Variants in ALKBH1 observed in about 807,000 individuals in gnomAD.
ALKBH1 encodes the protein nucleic acid dioxygenase ALKBH1.
Under a neutral mutation model 36.6 loss-of-function variants are expected in ALKBH1, and 31 were observed. The ratio of observed to expected loss-of-function variants is 0.85; its 90% CI spans 0.64 to 1.14. The LOEUF is 1.14. Among genes scored for constraint, ALKBH1 ranks in the 50% most tolerant of loss-of-function variants. The pLI, the probability that ALKBH1 is intolerant of heterozygous loss-of-function variation, is 0.00. For synonymous variants in ALKBH1, 183 were observed against 186.6 expected (o/e 0.98, Z 0.16); for missense variants, 490 against 497.3 (o/e 0.99, Z 0.14).
chr14:77,682,579 G>A (rs981626818), intron 3 of ALKBH1, among the ~76,000 whole-genome samples: 2 of 152,108 alleles, frequency 1.3e-5, no homozygotes, highest in African/African-American at 2.4e-5. Context: ...TTTTGAGGAG[G>A]GGGAAAAGAG....
At chr14:77,704,767 T>C (rs1487503278) in intron 1 of ALKBH1, among the ~76,000 whole-genome samples, 2 of 152,194 alleles carry the variant, frequency 1.3e-5, no homozygotes, top group Non-Finnish European at 2.9e-5. Flanking sequence ...CTGGGGTTAA[T>C]CTTAGCTGTA....
intron 3 of ALKBH1, among the ~76,000 whole-genome samples, chr14:77,687,465 A>G (rs2080274030): frequency 6.6e-6 from 1 of 151,254 alleles, no homozygotes; most frequent in Non-Finnish European, 1.5e-5. Context: ...CACTTATGCA[A>G]GCTACCCTGC....
chr14:77,674,325 T>C, intron 5 of ALKBH1, 84 bp from the exon 6 acceptor site: 1 of 1,344,566 alleles, frequency 7.4e-7, no homozygotes, highest in Non-Finnish European at 9.9e-7. Flanking sequence ...TACTGCCAAC[T>C]GTGTTATTTT....
At chr14:77,683,118 C>T in intron 3 of ALKBH1, 1 of 527,904 alleles carries the variant, frequency 1.9e-6, no homozygotes, top group South Asian at 2.3e-5. Context: ...TCCCAGAGTG[C>T]TAAGTGAGGC....
In ALKBH1 at chr14:77,675,738, T is replaced by C; in HGVS notation, c.658A>G (p.Asn220Asp). The C allele has an allele frequency of 6.2e-7, 1 of 1,614,170 alleles. No homozygotes were observed. Among genetic ancestry groups the C allele is most frequent in the Non-Finnish European group, 8.5e-7 (1 of 1,180,024 alleles). Residue 220 changes from asparagine (N) to aspartate (D), a missense_variant, in exon 5 of 6, where the codon AAT becomes GAT. Transcript: ENST00000216489. ...EDFRAEAGIL[N>D]YYRLDSTLGI... Reference sequence around the variant, plus strand: ...AGTGTGGAGTCCAGGCGGTAGTAATTCAGGATCCCTGCTTCAGCTCGGAAA... The same window carrying C: ...AGTGTGGAGTCCAGGCGGTAGTAATCCAGGATCCCTGCTTCAGCTCGGAAA...
At chr14:77,683,580 C>A in intron 3 of ALKBH1, 4 of 459,040 alleles carry the variant, frequency 8.7e-6, no homozygotes, top group Non-Finnish European at 1.6e-5. Flanking sequence ...CATCATCCTC[C>A]TTTTTTTTTG....
At chr14:77,701,718 G>C (rs1214248742) in intron 2 of ALKBH1, among the ~76,000 whole-genome samples, 1 of 151,972 alleles carries the variant, frequency 6.6e-6, no homozygotes, top group African/African-American at 2.4e-5. Flanking sequence ...CTGTATTTTG[G>C]ACATTATATT....
At position 77,674,125 on chromosome 14, in the gene ALKBH1, T is replaced by C; in HGVS notation, c.857A>G (p.Asn286Ser). 1 of 1,614,152 alleles carries C rather than the reference T, an allele frequency of 6.2e-7. No homozygotes were observed. Among genetic ancestry groups the C allele is most frequent in the Middle Eastern group, 1.6e-4 (1 of 6,062 alleles). Reference sequence around the variant, plus strand: ...TGGAAGGACACGAGGGACTGCGTGGTTCAAGAGGCGGCTGAAACCCGACAT... The same window carrying C: ...TGGAAGGACACGAGGGACTGCGTGGCTCAAGAGGCGGCTGAAACCCGACAT... ...MIMSGFSRLL[N>S]HAVPRVLPNP... The change falls in exon 6 of 6, where the codon AAC (asparagine) becomes AGC (serine). Residue 286 changes from asparagine to serine, a missense_variant. Physicochemically the swap from Asn to Ser is conservative, Grantham distance 46. Coordinates refer to ENST00000216489, the MANE Select transcript of ALKBH1 (RefSeq NM_006020.3).
Position 77,673,481 on chromosome 14 carries a change from T to C in ALKBH1, c.*331A>G, listed in dbSNP as rs1328584703. ...AATAAAATCTGAGGTATTTAAATAC[T>C]CTGCAAACATGGAAACTCACTTCTA... On this transcript the variant is annotated 3_prime_UTR_variant, in exon 6 of 6. Coordinates refer to ENST00000216489, the MANE Select transcript of ALKBH1 (RefSeq NM_006020.3). 1 of 264,688 alleles carries C rather than the reference T, an allele frequency of 3.8e-6. No individual in the cohort carries two copies. The highest frequency in any genetic ancestry group is 7.2e-6 in the Non-Finnish European group (1 of 138,152). The allele number at this position is 264,688 out of a possible 1,614,324, so 16.4% of individuals were successfully genotyped here.
rs553213620 is a variant in ALKBH1, at chr14:77,673,185, T to C, written c.*627A>G. 1 of 152,252 alleles carries C rather than the reference T, an allele frequency of 6.6e-6. No individual in the cohort carries two copies. 9.4% of individuals were successfully genotyped at this position (152,252 alleles called of 1,614,324 possible). On this transcript the variant is annotated 3_prime_UTR_variant, in exon 6 of 6. Transcript: ENST00000216489. The stretch of plus-strand genomic sequence containing the variant: ...CGAAATGACATGTAGAGAAACTAAA[T>C]TCCCCTTTCCTTGGGTTTACCTATA...
chr14:77,679,165 G>C (rs2080223016), intron 4 of ALKBH1, among the ~76,000 whole-genome samples: 1 of 152,014 alleles, frequency 6.6e-6, no homozygotes, highest in African/African-American at 2.4e-5. Flanking sequence ...ATGAACAATT[G>C]AAATACATGG....
At chr14:77,678,914 C>T (rs2139844831) in intron 4 of ALKBH1, among the ~76,000 whole-genome samples, 1 of 152,176 alleles carries the variant, frequency 6.6e-6, no homozygotes, top group East Asian at 1.9e-4. Context: ...CTCCCAGGCT[C>T]AAGCGATCCT....
At chr14:77,689,518 G>A (rs2080286381) in intron 3 of ALKBH1, among the ~76,000 whole-genome samples, 2 of 152,112 alleles carry the variant, frequency 1.3e-5, no homozygotes, top group Admixed American at 6.6e-5. Context: ...CTAATAAAGA[G>A]GGAATATGAA....
At chr14:77,679,117 G>A (rs1011641008) in intron 4 of ALKBH1, among the ~76,000 whole-genome samples, 3 of 151,872 alleles carry the variant, frequency 2.0e-5, no homozygotes, top group Non-Finnish European at 2.9e-5. Context: ...GCGTGTGATC[G>A]GTATCCATAT....
intron 3 of ALKBH1, among the ~76,000 whole-genome samples, chr14:77,694,484 TGAG>T (rs2080316044): frequency 6.6e-6 from 1 of 152,216 alleles, no homozygotes; most frequent in South Asian, 2.1e-4. Context: ...TGATGATTAA[TGAG>T]GATGAACTCA....
In ALKBH1 at chr14:77,703,252, G is replaced by C. The variant is rs937487634; in HGVS notation, c.292+1117C>G. Among the ~76,000 whole-genome samples, 4 of 151,930 alleles carry C rather than the reference G, an allele frequency of 2.6e-5. No homozygotes were observed. The East Asian group carries it at 7.8e-4, about 29-fold the overall frequency. On this transcript the variant is annotated intron_variant, in intron 2 of 5. Transcript: ENST00000216489. ...CCCACCTTGGCCTTCTAAAGTGTTG[G>C]GATTATAGGTGTGAGACACCTCGCC...
intron 3 of ALKBH1, among the ~76,000 whole-genome samples, chr14:77,680,677 C>CTCTCTTTTTTTTTTTTTTTTTTTTTTT (rs774703181): frequency 8.0e-6 from 1 of 124,348 alleles, no homozygotes; most frequent in African/African-American, 3.2e-5. Flanking sequence ...ATTAACTACT[C>CTCTCTTTTTTTTTTTTTTTTTTTTTTT]TTTTTTTTTT....
chr14:77,679,455 G>C lies in ALKBH1; in HGVS notation c.546+425C>G, dbSNP rs150867284. On this transcript the variant is annotated intron_variant, in intron 4 of 5. Transcript: ENST00000216489. ...GATTTTTTTTTTCTTTTCTGAGACA[G>C]AGTCTTGCTCTGTCACCCAGGCTGG... 1.0e-2 allele frequency among the ~76,000 whole-genome samples: 1,510 copies of C among 151,384 alleles called. 33 individuals carry two copies. Among genetic ancestry groups the C allele is most frequent in the African/African-American group, 0.035 (1,446 of 41,256 alleles).
At chr14:77,697,650 G>C (rs376691392) in intron 2 of ALKBH1, among the ~76,000 whole-genome samples, 1 of 150,410 alleles carries the variant, frequency 6.6e-6, no homozygotes, top group South Asian at 2.1e-4. Flanking sequence ...TTTTTGGGAG[G>C]AGGCACTGAG....
Sources: gnomAD v4.1 joint callset for allele counts (sites outside exome capture counted in the v4.1 genomes callset) on GRCh38, gnomAD v4.1.1 for gene constraint, MANE v1.5 for transcripts, NCBI Gene and HGNC (gene_info 2026-07-23, HGNC 2026-07-21) for gene names.